The following NRXN1 variants were observed in gnomAD, a reference collection of about 807,000 sequenced individuals.
NRXN1 encodes neurexin-1.
A neutral mutation model predicts 150.9 loss-of-function variants in NRXN1; 39 were observed. That is an observed-to-expected ratio of 0.26 (90% CI 0.20 to 0.34). The LOEUF is 0.34. Ranked by LOEUF, NRXN1 falls within the 10% of genes least tolerant of loss-of-function variation. The pLI is 1.00. For missense variants in NRXN1, 1,815 were observed against 1,949.9 expected, an observed-to-expected ratio of 0.93 and a Z score of 1.30; for synonymous variants, 924 against 757.0, an observed-to-expected ratio of 1.22 and a Z score of -3.62.
intron 18 of NRXN1, among the ~76,000 whole-genome samples, chr2:50,105,708 A>G (rs1701544090): frequency 6.6e-6 from 1 of 151,950 alleles, no homozygotes; most frequent in Non-Finnish European, 1.5e-5. Flanking sequence ...AAGGTAATAA[A>G]CCTAATATTT....
At chr2:50,551,050 G>GAAGAAGAAGAA (rs1553775723) in intron 9 of NRXN1, among the ~76,000 whole-genome samples, 953 of 78,138 alleles carry the variant, frequency 0.012, 6 homozygotes, top group East Asian at 0.042. Flanking sequence ...AAGAGGAAGA[G>GAAGAAGAAGAA]GAAGAAGAAG....
chr2:50,358,403 G>A (rs1441434918), intron 17 of NRXN1, among the ~76,000 whole-genome samples: 1 of 152,148 alleles, frequency 6.6e-6, no homozygotes, highest in African/African-American at 2.4e-5. Flanking sequence ...GGGGAGGGAC[G>A]TCCACCATTA....
At chr2:50,912,798 GAAAT>G (rs987915626) in intron 5 of NRXN1, 2 of 133,722 alleles carry the variant, frequency 1.5e-5, no homozygotes, top group Admixed American at 7.5e-5. Flanking sequence ...AAAAAAAAAA[GAAAT>G]AAACTGGAAC....
At chr2:50,554,629 A>G (rs927193561) in intron 8 of NRXN1, 5 of 152,244 alleles carry the variant, frequency 3.3e-5, no homozygotes, top group Admixed American at 1.3e-4. Context: ...TACGTAAAAT[A>G]CATGATAATA....
At chr2:50,195,211 G>C (rs1311373534) in intron 18 of NRXN1, among the ~76,000 whole-genome samples, 4 of 152,090 alleles carry the variant, frequency 2.6e-5, no homozygotes, top group Non-Finnish European at 4.4e-5. Context: ...TGCAAGATTT[G>C]AACCATATAC....
At chr2:50,857,800 G>C (rs1209024128) in intron 5 of NRXN1, among the ~76,000 whole-genome samples, 1 of 145,908 alleles carries the variant, frequency 6.9e-6, no homozygotes, top group Non-Finnish European at 1.5e-5. Context: ...ATTCATAAAA[G>C]GCCTAATCAA....
At chr2:50,198,953 C>G (rs1479935017) in intron 18 of NRXN1, among the ~76,000 whole-genome samples, 1 of 152,114 alleles carries the variant, frequency 6.6e-6, no homozygotes, top group Non-Finnish European at 1.5e-5. Context: ...ATGGCTGACA[C>G]TCCCCAGTAG....
Position 49,921,699 on chromosome 2 carries a change from G to A in NRXN1, c.*245C>T. On this transcript the variant is annotated 3_prime_UTR_variant, in exon 23 of 23. Transcript: ENST00000401669. ...TTCCAGCAACATAAAGACAAGCAGA[G>A]TAAATGAAAACACTGTGGATGTTAG... 2.0e-6 allele frequency: 1 copy of A among 508,592 alleles called. No homozygotes were observed. The highest frequency in any genetic ancestry group is 3.5e-6 in the Non-Finnish European group (1 of 287,432). The allele number at this position is 508,592 out of a possible 1,614,324, so 31.5% of individuals were successfully genotyped here.
intron 17 of NRXN1, among the ~76,000 whole-genome samples, chr2:50,459,502 C>T (rs979547811): frequency 6.6e-6 from 1 of 152,088 alleles, no homozygotes; most frequent in African/African-American, 2.4e-5. Flanking sequence ...CTGCTGCTCC[C>T]TTCTTTGCGT....
intron 21 of NRXN1, among the ~76,000 whole-genome samples, chr2:49,956,254 G>C (rs760693770): frequency 3.2e-4 from 48 of 152,080 alleles, no homozygotes; most frequent in Non-Finnish European, 4.1e-4. Context: ...AAGTACCTTA[G>C]AGTTTTACAA....
rs556905639 is a variant in NRXN1, at chr2:50,573,245, C to T, written c.1321-20220G>A. 1.4e-4 allele frequency among the ~76,000 whole-genome samples: 21 copies of T among 151,948 alleles called. No homozygotes were observed. The South Asian group carries it at 1.9e-3, about 14-fold the overall frequency. Reference sequence around the variant, plus strand: ...GGACATGGTGATGTGCATCTGCAGTCCCAGCTACTCAGGAGGCTGAGGCAG... The same window carrying T: ...GGACATGGTGATGTGCATCTGCAGTTCCAGCTACTCAGGAGGCTGAGGCAG... On this transcript the variant is annotated intron_variant, in intron 8 of 22. Transcript: ENST00000401669.
At chr2:50,233,733 A>G (rs1016405050) in intron 18 of NRXN1, among the ~76,000 whole-genome samples, 1 of 152,128 alleles carries the variant, frequency 6.6e-6, no homozygotes, top group African/African-American at 2.4e-5. Flanking sequence ...GCATAGCACC[A>G]ATTAGGTTAA....
At chr2:49,986,984 A>G (rs62134610) in intron 21 of NRXN1, among the ~76,000 whole-genome samples, 73,365 of 151,862 alleles carry the variant, frequency 0.48, 18,189 homozygotes, top group Middle Eastern at 0.61. Flanking sequence ...AGGACCACCT[A>G]AGCTGGGCAG....
chr2:50,951,422 T>C (rs537603137), intron 2 of NRXN1, among the ~76,000 whole-genome samples: 2 of 152,338 alleles, frequency 1.3e-5, no homozygotes, highest in South Asian at 4.1e-4. Context: ...ACTGGATGAA[T>C]AACTTGTGTA....
intron 2 of NRXN1, among the ~76,000 whole-genome samples, chr2:50,951,127 G>A (rs1691258505): frequency 6.6e-6 from 1 of 152,192 alleles, no homozygotes; most frequent in African/African-American, 2.4e-5. Context: ...TTGAAACAAT[G>A]TATTAGAAAG....
Position 50,578,288 on chromosome 2 carries a change from G to A in NRXN1, c.1321-25263C>T, listed in dbSNP as rs74325747. On this transcript the variant is annotated intron_variant, in intron 8 of 22. Coordinates refer to ENST00000401669, the MANE Select transcript of NRXN1 (RefSeq NM_001330078.2). ...GCAAGAGCATAGTGTCTTGGACTCC[G>A]GAAAGGCTCAGTTCCAGAAAGTCCA... 2.5e-3 allele frequency among the ~76,000 whole-genome samples: 375 copies of A among 152,170 alleles called. 17 individuals are homozygous for A. In the East Asian group the frequency reaches 0.05, roughly 20 times the overall value.
chr2:50,936,917 C>T (rs1688641005), intron 2 of NRXN1, among the ~76,000 whole-genome samples: 1 of 151,942 alleles, frequency 6.6e-6, no homozygotes, highest in Non-Finnish European at 1.5e-5. Context: ...CACTAAGAAA[C>T]TACGAATCAT....
At position 50,931,866 on chromosome 2, in the gene NRXN1, A is replaced by T. The variant is rs544839746; in HGVS notation, c.773-5911T>A. 4.6e-3 allele frequency among the ~76,000 whole-genome samples: 684 copies of T among 149,392 alleles called. 4 individuals are homozygous for T. Among genetic ancestry groups the T allele is most frequent in the Non-Finnish European group, 7.3e-3 (492 of 67,064 alleles). On this transcript the variant is annotated intron_variant, in intron 2 of 22. Coordinates refer to ENST00000401669, the MANE Select transcript of NRXN1 (RefSeq NM_001330078.2). ...GGCTCTCGGGATTGATTAAAATATT[A>T]TTTTTTTTTTCTGGAGATGGAGTCT... is the stretch of plus-strand genomic sequence containing the variant.
intron 22 of NRXN1, among the ~76,000 whole-genome samples, chr2:49,940,530 C>A (rs1171379363): frequency 6.6e-6 from 1 of 151,996 alleles, no homozygotes; most frequent in East Asian, 1.9e-4. Flanking sequence ...GGAGGGGCAG[C>A]CCATGATGAA....
Sources: allele counts gnomAD v4.1 joint callset (sites outside exome capture counted in the v4.1 genomes callset), GRCh38; gene constraint gnomAD v4.1.1; transcripts MANE v1.5; gene names NCBI Gene and HGNC (gene_info 2026-07-23, HGNC 2026-07-21).